Variants in CDKAL1 observed in about 807,000 individuals in gnomAD.
CDKAL1 encodes threonylcarbamoyladenosine tRNA methylthiotransferase.
In CDKAL1, 32 loss-of-function variants were observed where a neutral mutation model predicts 68.2. The ratio of observed to expected loss-of-function variants is 0.47; its 90% CI spans 0.35 to 0.63. The LOEUF is 0.63. Among genes scored for constraint, CDKAL1 ranks in the 30% least tolerant of loss-of-function variants. CDKAL1 has a pLI of 0.00. For synonymous variants in CDKAL1, 234 were observed against 244.3 expected (o/e 0.96, Z 0.39); for missense variants, 606 against 696.7 (o/e 0.87, Z 1.47).
chr6:20,764,547 T>G (rs1013132500), intron 7 of CDKAL1, among the ~76,000 whole-genome samples: 2 of 152,164 alleles, frequency 1.3e-5, no homozygotes, highest in African/African-American at 4.8e-5. Context: ...TCTGTAAGGT[T>G]TTGTATTTTG....
At chr6:21,183,305 G>T (rs574126492) in intron 13 of CDKAL1, among the ~76,000 whole-genome samples, 16 of 152,160 alleles carry the variant, frequency 1.1e-4, no homozygotes, top group Non-Finnish European at 2.1e-4. Context: ...GAGCAAAGAG[G>T]TCCCTCTGCT....
chr6:20,744,843 G>T (rs4710945), intron 6 of CDKAL1, among the ~76,000 whole-genome samples: 59,333 of 152,046 alleles, frequency 0.39, 11,926 homozygotes, highest in Non-Finnish European at 0.44. Flanking sequence ...GTTTTTCTGT[G>T]TTATTAACAA....
At chr6:20,864,903 CTCTT>C (rs1711717574) in intron 9 of CDKAL1, among the ~76,000 whole-genome samples, 1 of 152,120 alleles carries the variant, frequency 6.6e-6, no homozygotes, top group African/African-American at 2.4e-5. Context: ...CTGATTTTAT[CTCTT>C]TATTTTTATT....
rs531180035 is a variant in CDKAL1, at chr6:21,065,328, A to C, written c.1236+100A>C. 1.3e-5 allele frequency: 12 copies of C among 900,070 alleles called. No homozygotes were observed. The East Asian group carries it at 3.4e-4, about 26-fold the overall frequency. 55.8% of individuals were successfully genotyped at this position (900,070 alleles called of 1,614,324 possible). On this transcript the variant is annotated intron_variant, in intron 12 of 15. Coordinates refer to ENST00000274695, the MANE Select transcript of CDKAL1 (RefSeq NM_017774.3). Reference sequence around the variant, plus strand: ...ACAACTTGCTCATGTTATAACCCTTAAATTACAAAATATGGAGAGATTTCC... The same window carrying C: ...ACAACTTGCTCATGTTATAACCCTTCAATTACAAAATATGGAGAGATTTCC...
intron 13 of CDKAL1, chr6:21,135,752 A>T: frequency 1.0e-6 from 1 of 964,722 alleles, no homozygotes; most frequent in Non-Finnish European, 1.2e-6. Context: ...TCATTCGCTC[A>T]GGAAGGCAGT....
At chr6:20,701,878 A>G (rs1771378365) in intron 5 of CDKAL1, among the ~76,000 whole-genome samples, 1 of 152,072 alleles carries the variant, frequency 6.6e-6, no homozygotes, top group South Asian at 2.1e-4. Flanking sequence ...GAAGGATAAG[A>G]GATTGATTAG....
At chr6:20,681,929 C>T (rs933517057) in intron 5 of CDKAL1, among the ~76,000 whole-genome samples, 4 of 152,124 alleles carry the variant, frequency 2.6e-5, no homozygotes, top group African/African-American at 7.2e-5. Context: ...GAATAAGACG[C>T]CAGCAGATTT....
intron 5 of CDKAL1, among the ~76,000 whole-genome samples, chr6:20,670,546 A>G (rs1370238529): frequency 6.6e-6 from 1 of 152,100 alleles, no homozygotes; most frequent in Non-Finnish European, 1.5e-5. Context: ...TATTTTTTGT[A>G]CAAACAGGCA....
intron 8 of CDKAL1, among the ~76,000 whole-genome samples, chr6:20,795,992 A>G (rs1170707131): frequency 6.6e-6 from 1 of 152,182 alleles, no homozygotes; most frequent in Non-Finnish European, 1.5e-5. Flanking sequence ...TAAGGCTTGT[A>G]ACTGCCTGGG....
intron 7 of CDKAL1, among the ~76,000 whole-genome samples, chr6:20,771,036 C>T (rs1325254846): frequency 1.3e-5 from 2 of 152,132 alleles, no homozygotes; most frequent in Non-Finnish European, 2.9e-5. Flanking sequence ...GTCTGCCTTC[C>T]TCGAGACCTT....
intron 13 of CDKAL1, among the ~76,000 whole-genome samples, chr6:21,151,603 G>C (rs1391012246): frequency 6.6e-6 from 1 of 152,004 alleles, no homozygotes; most frequent in Non-Finnish European, 1.5e-5. Context: ...AAACAGTAGA[G>C]GACATAATTA....
chr6:20,931,634 A>T (rs1561894169), intron 9 of CDKAL1, among the ~76,000 whole-genome samples: 1 of 152,112 alleles, frequency 6.6e-6, no homozygotes, highest in Non-Finnish European at 1.5e-5. Flanking sequence ...TAATATTGGG[A>T]AAAAAAATTT....
At position 21,063,008 on chromosome 6, in the gene CDKAL1, G is replaced by A. The variant is rs145259438; in HGVS notation, c.1056-2040G>A. Among the ~76,000 whole-genome samples the A allele has an allele frequency of 5.8e-3, 884 of 152,186 alleles. 7 individuals are homozygous for A. The highest frequency in any genetic ancestry group is 0.02 in the African/African-American group (810 of 41,518). On this transcript the variant is annotated intron_variant, in intron 11 of 15. Transcript: ENST00000274695. ...CGGCTCACTGCAACCTCCACCTCCC[G>A]GGTTCAAGCAATTCTCCTGCCTCAG...
At chr6:20,712,662 T>C (rs1473711549) in intron 5 of CDKAL1, among the ~76,000 whole-genome samples, 1 of 152,140 alleles carries the variant, frequency 6.6e-6, no homozygotes, top group Non-Finnish European at 1.5e-5. Context: ...CTTTTTTTTT[T>C]GAGATGGAGT....
chr6:20,739,111 T>A (rs1019299131), intron 5 of CDKAL1, among the ~76,000 whole-genome samples: 15 of 152,188 alleles, frequency 9.9e-5, no homozygotes, highest in African/African-American at 3.6e-4. Flanking sequence ...ACTTTTATAT[T>A]GGTCAAAAGA....
At chr6:21,104,509 A>C (rs867514163) in intron 12 of CDKAL1, among the ~76,000 whole-genome samples, 1 of 142,692 alleles carries the variant, frequency 7.0e-6, no homozygotes, top group Middle Eastern at 3.6e-3. Context: ...ATTTCAGTAA[A>C]ACTTTATTTA....
chr6:21,103,397 G>A (rs748507475), intron 12 of CDKAL1, among the ~76,000 whole-genome samples: 1 of 150,492 alleles, frequency 6.6e-6, no homozygotes, highest in Non-Finnish European at 1.5e-5. Flanking sequence ...CTTTAGTTTT[G>A]TTTGGTTTTG....
intron 11 of CDKAL1, among the ~76,000 whole-genome samples, chr6:21,025,720 T>C (rs1202822276): frequency 6.6e-6 from 1 of 152,204 alleles, no homozygotes; most frequent in Non-Finnish European, 1.5e-5. Flanking sequence ...TTTATAAACC[T>C]CTGCTACTAT....
intron 7 of CDKAL1, among the ~76,000 whole-genome samples, chr6:20,777,102 A>G (rs1336281809): frequency 2.6e-5 from 4 of 152,184 alleles, no homozygotes; most frequent in East Asian, 1.9e-4. Context: ...AGCTAGCGCT[A>G]TGAGGCTTGT....
Sources: gnomAD v4.1 joint callset for allele counts (sites outside exome capture counted in the v4.1 genomes callset) on GRCh38, gnomAD v4.1.1 for gene constraint, MANE v1.5 for transcripts, NCBI Gene and HGNC (gene_info 2026-07-23, HGNC 2026-07-21) for gene names.